The following AGBL3 variants were observed in gnomAD, a reference collection of about 807,000 sequenced individuals.
AGBL3 encodes the protein cytosolic carboxypeptidase 3.
Under a neutral mutation model 94.5 loss-of-function variants are expected in AGBL3, and 68 were observed. That is an observed-to-expected ratio of 0.72 (90% CI 0.59 to 0.88). The LOEUF is 0.88. AGBL3 is among the 40% of genes least tolerant of loss of function. The probability of loss-of-function intolerance (pLI) is 0.00; values close to 1 mark genes in which losing one functional copy is unlikely to be tolerated. For missense variants in AGBL3, 934 were observed against 1,103.8 expected (o/e 0.85, Z 2.18); for synonymous variants, 354 against 370.7 (o/e 0.95, Z 0.52).
At chr7:135,078,950 T>TA (rs1820697883) in intron 13 of AGBL3, among the ~76,000 whole-genome samples, 3 of 152,220 alleles carry the variant, frequency 2.0e-5, no homozygotes, top group Admixed American at 1.3e-4. Flanking sequence ...AATACATCCC[T>TA]AAAATAATAT....
intron 16 of AGBL3, among the ~76,000 whole-genome samples, chr7:135,116,150 C>T (rs1826282213): frequency 6.6e-6 from 1 of 152,188 alleles, no homozygotes; most frequent in Non-Finnish European, 1.5e-5. Context: ...AATGTACTTC[C>T]TATGTGCTAC....
At chr7:135,045,236 T>C (rs1351356804) in intron 9 of AGBL3, among the ~76,000 whole-genome samples, 1 of 152,184 alleles carries the variant, frequency 6.6e-6, no homozygotes, top group Non-Finnish European at 1.5e-5. Context: ...ACTGTCTTAT[T>C]GAATTTTTTT....
chr7:135,132,968 T>C (rs1445442637), intron 16 of AGBL3, among the ~76,000 whole-genome samples: 1 of 151,740 alleles, frequency 6.6e-6, no homozygotes. Context: ...AGCATACAAA[T>C]CAGAAAGGAA....
At chr7:135,030,758 T>A (rs1815653943) in intron 5 of AGBL3, among the ~76,000 whole-genome samples, 1 of 152,218 alleles carries the variant, frequency 6.6e-6, no homozygotes, top group Non-Finnish European at 1.5e-5. Flanking sequence ...TTTGTCCATT[T>A]TTTTCCCTGT....
At chr7:135,044,271 T>G (rs1563212028) in intron 9 of AGBL3, 120 bp downstream of exon 9, 1 of 960,500 alleles carries the variant, frequency 1.0e-6, no homozygotes, top group Non-Finnish European at 1.4e-6. Context: ...TACTAATATT[T>G]AATCAATTCT....
chr7:134,989,418 C>G, intron 3 of AGBL3, 108 bp downstream of exon 3: 1 of 759,014 alleles, frequency 1.3e-6, no homozygotes, highest in Non-Finnish European at 2.0e-6. Flanking sequence ...AATGATTATT[C>G]TAGTAGATTG....
intron 5 of AGBL3, among the ~76,000 whole-genome samples, chr7:135,019,996 G>T (rs999404153): frequency 1.3e-5 from 2 of 152,132 alleles, no homozygotes; most frequent in African/African-American, 4.8e-5. Flanking sequence ...CAGGACATAG[G>T]CATGGGCAAG....
At chr7:135,119,470 A>T (rs185572799) in intron 16 of AGBL3, among the ~76,000 whole-genome samples, 228 of 151,956 alleles carry the variant, frequency 1.5e-3, no homozygotes, top group African/African-American at 5.3e-3. Context: ...ACCTCAAGTG[A>T]TCTGACTCCC....
At chr7:135,042,885 C>A (rs1440866170) in intron 8 of AGBL3, among the ~76,000 whole-genome samples, 1 of 152,010 alleles carries the variant, frequency 6.6e-6, no homozygotes, top group East Asian at 1.9e-4. Flanking sequence ...GCACTCCAGC[C>A]TGGGTGACAG....
intron 8 of AGBL3, among the ~76,000 whole-genome samples, chr7:135,038,958 CA>C (rs34474456): frequency 0.48 from 61,801 of 129,012 alleles, 13,087 homozygotes; most frequent in East Asian, 0.78. Flanking sequence ...GACTTTGTCT[CA>C]AAAAAAAAAA....
intron 1 of AGBL3, 32 bp downstream of exon 1, chr7:134,986,733 G>A (rs1025240934): frequency 1.3e-5 from 2 of 152,566 alleles, no homozygotes; most frequent in African/African-American, 2.4e-5. Context: ...CGCCCCCTGC[G>A]GGAAGCGAGC....
At chr7:134,996,190 TC>T (rs1810985912) in intron 4 of AGBL3, among the ~76,000 whole-genome samples, 1 of 152,178 alleles carries the variant, frequency 6.6e-6, no homozygotes, top group South Asian at 2.1e-4. Context: ...GTGCAAGCTT[TC>T]CAGGGGCCTT....
intron 5 of AGBL3, among the ~76,000 whole-genome samples, chr7:135,027,209 G>A (rs990376591): frequency 7.9e-5 from 12 of 151,240 alleles, no homozygotes; most frequent in African/African-American, 2.7e-4. Context: ...CACCATGTTC[G>A]GCTAATTTTT....
In AGBL3 at chr7:135,045,517, A is replaced by G; in HGVS notation, c.1671A>G (p.Ser557=). 1 of 1,551,260 alleles carries G rather than the reference A, an allele frequency of 6.4e-7. No homozygotes were observed. Among genetic ancestry groups the G allele is most frequent in the Non-Finnish European group, 8.7e-7 (1 of 1,146,644 alleles). ...GTHFSTKDLE[S]MGYHFCDSLL... is the part of the protein sequence containing the mutation. ...ATTTCAGCACGAAAGACCTGGAATCAATGGGATATCATTTTTGTGATTCTC... is the reference window on the plus strand; with the variant it reads ...ATTTCAGCACGAAAGACCTGGAATCGATGGGATATCATTTTTGTGATTCTC... Residue 557 remains serine (S), a synonymous_variant, in exon 10 of 17, where the codon TCA becomes TCG. Coordinates refer to ENST00000436302, the MANE Select transcript of AGBL3 (RefSeq NM_178563.4).
At chr7:135,106,864 G>A (rs1373458163) in intron 15 of AGBL3, among the ~76,000 whole-genome samples, 1 of 152,062 alleles carries the variant, frequency 6.6e-6, no homozygotes, top group East Asian at 1.9e-4. Context: ...TGGATGATAA[G>A]CTATTTATTA....
At chr7:135,055,708 T>C (rs1456218446) in intron 11 of AGBL3, among the ~76,000 whole-genome samples, 2 of 152,184 alleles carry the variant, frequency 1.3e-5, no homozygotes, top group Non-Finnish European at 2.9e-5. Context: ...ATAAGACATA[T>C]TGGTGTAGTT....
At chr7:135,021,042 G>A (rs1351669901) in intron 5 of AGBL3, among the ~76,000 whole-genome samples, 1 of 79,190 alleles carries the variant, frequency 1.3e-5, no homozygotes, top group Non-Finnish European at 2.6e-5. Context: ...ATGTACCCTA[G>A]AACTTAAATA....
chr7:135,075,067 CCT>C (rs1309130605), intron 12 of AGBL3, among the ~76,000 whole-genome samples: 5 of 151,928 alleles, frequency 3.3e-5, no homozygotes. Flanking sequence ...TGCCAGGGAC[CCT>C]GTTTTCTGTT....
intron 4 of AGBL3, among the ~76,000 whole-genome samples, chr7:135,007,889 T>C: frequency 6.6e-6 from 1 of 152,132 alleles, no homozygotes; most frequent in African/African-American, 2.4e-5. Context: ...AATGAACTTA[T>C]GAAAACTATT....
Sources: gnomAD v4.1 joint callset for allele counts (sites outside exome capture counted in the v4.1 genomes callset) on GRCh38, gnomAD v4.1.1 for gene constraint, MANE v1.5 for transcripts, NCBI Gene and HGNC (gene_info 2026-07-23, HGNC 2026-07-21) for gene names.